The following NDUFC1 variants were observed in gnomAD, a reference collection of about 807,000 sequenced individuals.
The protein encoded by NDUFC1 is NADH dehydrogenase [ubiquinone] 1 subunit C1, mitochondrial.
In NDUFC1, 11 loss-of-function variants were observed where a neutral mutation model predicts 11.6. The observed-to-expected ratio is 0.95, with a 90% CI of 0.60 to 1.58. NDUFC1 has a LOEUF of 1.58. Among genes scored for constraint, NDUFC1 ranks in the 40% most tolerant of loss-of-function variants. The pLI is 0.00. For missense variants in NDUFC1, 112 were observed against 93.0 expected, an observed-to-expected ratio of 1.20 and a Z score of -0.84; for synonymous variants, 52 against 42.2, an observed-to-expected ratio of 1.23 and a Z score of -0.90.
chr4:139,301,580 G>A (rs985724720), intron 1 of NDUFC1: 2 of 618,570 alleles, frequency 3.2e-6, no homozygotes, highest in African/African-American at 3.8e-5. Flanking sequence ...CGGCGGCAGC[G>A]TTAAGTGAGA....
At chr4:139,294,807 A>G (rs1745386437) in intron 4 of NDUFC1, among the ~76,000 whole-genome samples, 1 of 152,076 alleles carries the variant, frequency 6.6e-6, no homozygotes, top group South Asian at 2.1e-4. Flanking sequence ...TTAAGGAACA[A>G]TAACAGAAAT....
chr4:139,299,625 T>A lies in NDUFC1; in HGVS notation c.-221-2182A>T, dbSNP rs540033176. On this transcript the variant is annotated intron_variant, in intron 1 of 5. Coordinates refer to ENST00000394223, the MANE Select transcript of NDUFC1 (RefSeq NM_001184989.2). Reference sequence around the variant, plus strand: ...TGATCAGAGTAAATATATATTTTTTTATTCAATTCAGGCTACTGTGTGGTC... The same window carrying A: ...TGATCAGAGTAAATATATATTTTTTAATTCAATTCAGGCTACTGTGTGGTC... Among the ~76,000 whole-genome samples, 13 of 152,340 alleles carry A rather than the reference T, an allele frequency of 8.5e-5. No homozygotes were observed. The East Asian group carries it at 2.1e-3, about 25-fold the overall frequency.
chr4:139,301,869 T>A, intron 1 of NDUFC1: 1 of 1,563,850 alleles, frequency 6.4e-7, no homozygotes, highest in Non-Finnish European at 8.7e-7. Flanking sequence ...GGGGAGGATT[T>A]AGCCGGTAAC....
rs748599175 is a variant in NDUFC1 at position 139,292,652 on chromosome 4, T to C, written c.172-43A>G. Reference sequence around the variant, plus strand: ...GTTAAAATTAGAAATGTAATCTTCCTGGATACTTATATTTTGTAAAGGAAT... The same window carrying C: ...GTTAAAATTAGAAATGTAATCTTCCCGGATACTTATATTTTGTAAAGGAAT... On this transcript the variant is annotated intron_variant, in intron 4 of 5. Transcript: ENST00000394223. 30 of 1,223,240 alleles carry C rather than the reference T, an allele frequency of 2.5e-5. No homozygotes were observed. In the South Asian group the frequency reaches 4.2e-4, roughly 17 times the overall value. The allele number at this position is 1,223,240 out of a possible 1,614,324, so 75.8% of individuals were successfully genotyped here.
chr4:139,292,687 A>C, intron 4 of NDUFC1, 78 bp from the exon 5 acceptor site: 1 of 896,746 alleles, frequency 1.1e-6, no homozygotes, highest in Non-Finnish European at 1.6e-6. Flanking sequence ...TAAGGATAGA[A>C]AAAATAAACA....
intron 3 of NDUFC1, 22 bp downstream of exon 3, chr4:139,295,709 GC>G: frequency 6.5e-7 from 1 of 1,534,522 alleles, no homozygotes; most frequent in South Asian, 1.2e-5. Context: ...GGTCGAGTCG[GC>G]CTGCACGAGG....
At chr4:139,290,756 TATATATATTTGATAC>T (rs1222017366) in intron 5 of NDUFC1, among the ~76,000 whole-genome samples, 1 of 151,884 alleles carries the variant, frequency 6.6e-6, no homozygotes, top group Admixed American at 6.6e-5. Context: ...ATGGTATACT[TATATATATTTGATAC>T]ATATCTATAG....
At chr4:139,291,405 T>TC (rs1745211702) in intron 5 of NDUFC1, among the ~76,000 whole-genome samples, 1 of 151,818 alleles carries the variant, frequency 6.6e-6, no homozygotes, top group African/African-American at 2.4e-5. Flanking sequence ...GAAAAGCCCG[T>TC]CTCTATCAAA....
intron 1 of NDUFC1, chr4:139,302,127 A>T (rs1220278255): frequency 2.9e-6 from 1 of 349,288 alleles, no homozygotes; most frequent in Non-Finnish European, 5.2e-6. Flanking sequence ...TCTGGGGGAG[A>T]AGAGGCCCGG....
chr4:139,295,821 C>T lies in NDUFC1; in HGVS notation c.-23G>A, dbSNP rs1271051399. On this transcript the variant is annotated 5_prime_UTR_variant, in exon 3 of 6. Coordinates refer to ENST00000394223, the MANE Select transcript of NDUFC1 (RefSeq NM_001184989.2). The stretch of plus-strand genomic sequence containing the variant: ...CATCTTGCGTGGCCCAGCTCAGTCT[C>T]TCCGAGTTGGCAACAGAACCAGCGC... 5.2e-6 allele frequency: 8 copies of T among 1,544,150 alleles called. No individual in the cohort carries two copies. The African/African-American group carries it at 6.9e-5, about 13-fold the overall frequency.
chr4:139,300,848 C>T (rs1196645028), intron 1 of NDUFC1: 1 of 152,206 alleles, frequency 6.6e-6, no homozygotes, highest in African/African-American at 2.4e-5. Flanking sequence ...GCCTCAACAA[C>T]GAAATTAAAA....
intron 4 of NDUFC1, among the ~76,000 whole-genome samples, chr4:139,294,734 CAAAAAAA>C (rs34462002): frequency 1.1e-5 from 1 of 91,688 alleles, no homozygotes; most frequent in African/African-American, 4.3e-5. Context: ...GACTCCATCT[CAAAAAAA>C]AAAAAAAAAA....
At chr4:139,299,117 G>A (rs914662070) in intron 1 of NDUFC1, among the ~76,000 whole-genome samples, 1 of 151,810 alleles carries the variant, frequency 6.6e-6, no homozygotes, top group South Asian at 2.1e-4. Flanking sequence ...TTACAGGCAC[G>A]CACCACCACA....
chr4:139,293,613 A>G (rs938541729), intron 4 of NDUFC1, among the ~76,000 whole-genome samples: 1 of 152,240 alleles, frequency 6.6e-6, no homozygotes, highest in Non-Finnish European at 1.5e-5. Flanking sequence ...CAAAAATCTG[A>G]ACCACTTCAA....
At position 139,295,885 on chromosome 4, in the gene NDUFC1, A is replaced by G. The variant is rs1166090423; in HGVS notation, c.-87T>C. ...GAAGTGCGGGACTCGAGGGCTCTGC[A>G]GCAGAGCTCCGTGGGGGCGTCAACG... On this transcript the variant is annotated 5_prime_UTR_variant, in exon 3 of 6. Coordinates refer to ENST00000394223, the MANE Select transcript of NDUFC1 (RefSeq NM_001184989.2). The G allele has an allele frequency of 3.2e-5, 44 of 1,364,850 alleles. No individual in the cohort carries two copies. The highest frequency in any genetic ancestry group is 2.0e-4 in the South Asian group (15 of 75,062). 84.5% of individuals were successfully genotyped at this position (1,364,850 alleles called of 1,614,324 possible). A position where few individuals can be genotyped will look rare whatever the true frequency, so the allele number is the denominator to read the frequency against.
At position 139,292,961 on chromosome 4, in the gene NDUFC1, C is replaced by T. The variant is rs554524267; in HGVS notation, c.172-352G>A. ...TCAACCTCCTGAATAGCTGGGATTA[C>T]AGGCGCCTGCCACCACGCCTGGCTA... On this transcript the variant is annotated intron_variant, in intron 4 of 5. Coordinates refer to ENST00000394223, the MANE Select transcript of NDUFC1 (RefSeq NM_001184989.2). 3.3e-5 allele frequency among the ~76,000 whole-genome samples: 5 copies of T among 152,126 alleles called. No homozygotes were observed. The South Asian group carries it at 1.0e-3, about 32-fold the overall frequency.
chr4:139,299,624 T>G (rs1421106384), intron 1 of NDUFC1, among the ~76,000 whole-genome samples: 2 of 152,204 alleles, frequency 1.3e-5, no homozygotes, highest in African/African-American at 2.4e-5. Context: ...ATATATTTTT[T>G]TATTCAATTC....
chr4:139,301,389 G>A lies in NDUFC1; in HGVS notation c.-222+1027C>T, dbSNP rs527243002. The A allele has an allele frequency of 2.1e-4, 90 of 424,986 alleles. No individual in the cohort carries two copies. In the East Asian group the frequency reaches 3.2e-3, roughly 15 times the overall value. 26.3% of individuals were successfully genotyped at this position (424,986 alleles called of 1,614,324 possible). On this transcript the variant is annotated intron_variant, in intron 1 of 5. Transcript: ENST00000394223. ...CCTCCCGGCCTCCACAGGCAGGCCA[G>A]CCTCCAGGTTTCCCGGCAAGCTCCG...
At chr4:139,290,610 A>G (rs1431946293) in intron 5 of NDUFC1, among the ~76,000 whole-genome samples, 1 of 152,134 alleles carries the variant, frequency 6.6e-6, no homozygotes, top group Non-Finnish European at 1.5e-5. Context: ...TACAGCAGAT[A>G]TAAGTTACTT....
Sources: gnomAD v4.1 joint callset for allele counts (sites outside exome capture counted in the v4.1 genomes callset) on GRCh38, gnomAD v4.1.1 for gene constraint, MANE v1.5 for transcripts, NCBI Gene and HGNC (gene_info 2026-07-23, HGNC 2026-07-21) for gene names.